The following WDR87 variants were observed in gnomAD, a reference collection of about 807,000 sequenced individuals.
WDR87 encodes WD repeat-containing protein 87.
Under a neutral mutation model 83.3 loss-of-function variants are expected in WDR87, and 56 were observed. The ratio of observed to expected loss-of-function variants is 0.67; its 90% CI spans 0.54 to 0.84. The LOEUF (loss-of-function observed/expected upper bound fraction) is 0.84. Among genes scored for constraint, WDR87 ranks in the 40% least tolerant of loss-of-function variants. WDR87 has a pLI of 0.00. For missense variants in WDR87, 2,939 were observed against 3,431.9 expected, an observed-to-expected ratio of 0.86 and a Z score of 3.59; for synonymous variants, 1,173 against 1,250.6, an observed-to-expected ratio of 0.94 and a Z score of 1.31.
Position 37,887,308 on chromosome 19 carries a change from T to C in WDR87, c.6363A>G (p.Lys2121=), listed in dbSNP as rs1214582426. 6.4e-7 allele frequency: 1 copy of C among 1,551,342 alleles called. No individual in the cohort carries two copies. The highest frequency in any genetic ancestry group is 2.4e-5 in the East Asian group (1 of 40,918). The change falls in exon 6 of 6, where the codon AAA becomes AAG. Residue 2121 remains lysine, a synonymous_variant. Coordinates refer to ENST00000447313, the MANE Select transcript of WDR87 (RefSeq NM_001291088.2). ...KLNKILKALQ[K]LTRDERKLTQ... ...TTAGTTTCCTTTCATCCCTGGTTAG[T>C]TTTTGAAGTGCCTTTAAGATTTTGT...
rs1811469470 is a variant in WDR87 at position 37,889,758 on chromosome 19, T to C, written c.3913A>G (p.Asn1305Asp). The C allele has an allele frequency of 6.4e-7, 1 of 1,551,712 alleles. No homozygotes were observed. The highest frequency in any genetic ancestry group is 1.4e-5 in the African/African-American group (1 of 73,162). Residue 1305 changes from asparagine to aspartate, a missense_variant, in exon 6 of 6, where the codon AAC becomes GAC. By Grantham distance (23) the Asn-to-Asp change is conservative. Coordinates refer to ENST00000447313, the MANE Select transcript of WDR87 (RefSeq NM_001291088.2). ...TGAGCAAATGTCACTAGCTCAGCGTTTAGGTTTTCTGACATTTTTGTTTGG... is the reference window on the plus strand; with the variant it reads ...TGAGCAAATGTCACTAGCTCAGCGTCTAGGTTTTCTGACATTTTTGTTTGG... The part of the protein sequence containing the change: ...GSQTKMSENL[N>D]AELVTFAQEM...
chr19:37,906,340 G>A (rs2046328796), intron 1 of WDR87, among the ~76,000 whole-genome samples, 159 bp downstream of exon 1: 1 of 152,130 alleles, frequency 6.6e-6, no homozygotes, highest in Non-Finnish European at 1.5e-5. Context: ...AGGCCCCTAG[G>A]CAGCCCCTGG....
chr19:37,899,083 G>GTTGTGTTGTTTTGTTTTGTT (rs2046277193), intron 1 of WDR87, among the ~76,000 whole-genome samples: 1 of 123,116 alleles, frequency 8.1e-6, no homozygotes, highest in African/African-American at 3.7e-5. Flanking sequence ...ATGAGTTGTT[G>GTTGTGTTGTTTTGTTTTGTT]TTGTGTTGTT....
At position 37,887,762 on chromosome 19, in the gene WDR87, G is replaced by C. The variant is rs1344260153; in HGVS notation, c.5909C>G (p.Ala1970Gly). 6 of 1,551,770 alleles carry C rather than the reference G, an allele frequency of 3.9e-6. No homozygotes were observed. The highest frequency in any genetic ancestry group is 3.9e-5 in the Admixed American group (2 of 50,948). Residue 1970 changes from alanine (A) to glycine (G), a missense_variant, in exon 6 of 6, where the codon GCC becomes GGC. By Grantham distance (60) the Ala-to-Gly change is moderately conservative. Around this residue, in one of 3 missense-constraint regions of WDR87, gnomAD observed 2,160 missense variants for 2,533.1 expected, o/e 0.85. Coordinates refer to ENST00000447313, the MANE Select transcript of WDR87 (RefSeq NM_001291088.2). ...DSLAKKQEKL[A>G]QEKMKLALEK... ...CAGAGCTAATTTCATTTTTTCCTGG[G>C]CCAATTTCTCCTGTTTTTTGGCCAA...
chr19:37,894,183 A>G lies in WDR87; in HGVS notation c.1520T>C (p.Leu507Pro), dbSNP rs757661004. 3.9e-6 allele frequency: 6 copies of G among 1,552,196 alleles called. No individual in the cohort carries two copies. The highest frequency in any genetic ancestry group is 5.2e-6 in the Non-Finnish European group (6 of 1,147,142). ...CCCTCCAGACAGCGTGGAGAGTGCCAGTACAGCGCCAAAGTGCATGAATTT... is the reference window on the plus strand; with the variant it reads ...CCCTCCAGACAGCGTGGAGAGTGCCGGTACAGCGCCAAAGTGCATGAATTT... The part of the protein sequence containing the change: ...LEKFMHFGAV[L>P]ALSTLSGGIF... Residue 507 changes from leucine (L) to proline (P), a missense_variant, in exon 4 of 6, where the codon CTG (leucine) becomes CCG (proline). Leu to Pro is a moderately conservative substitution (Grantham distance 98). Coordinates refer to ENST00000447313, the MANE Select transcript of WDR87 (RefSeq NM_001291088.2).
chr19:37,894,603 T>C lies in WDR87; in HGVS notation c.1100A>G (p.Gln367Arg). 6.4e-7 allele frequency: 1 copy of C among 1,551,726 alleles called. No individual in the cohort carries two copies. The highest frequency in any genetic ancestry group is 8.7e-7 in the Non-Finnish European group (1 of 1,146,998). Residue 367 changes from glutamine to arginine, a missense_variant, in exon 4 of 6, where the codon CAG (glutamine) becomes CGG (arginine). Physicochemically the swap from Gln to Arg is conservative, Grantham distance 43 (BLOSUM62 1). Coordinates refer to ENST00000447313, the MANE Select transcript of WDR87 (RefSeq NM_001291088.2). ...LFNVCGSAPQ[Q>R]LRRVCCGNNW... ...ATTTCCACAGCAGACCCGACGCAAC[T>C]GCTGGGGAGCAGAGCCACAGACATT... is the stretch of plus-strand genomic sequence containing the variant.
intron 4 of WDR87, 136 bp downstream of exon 4, chr19:37,892,442 T>C (rs934602557): frequency 1.5e-5 from 12 of 798,584 alleles, no homozygotes; most frequent in South Asian, 1.1e-4. Flanking sequence ...TCAAGGATAG[T>C]CATCTAGGCG....
Position 37,889,778 on chromosome 19 carries a change from GT to G in WDR87, c.3892del (p.Thr1298GlnfsTer7). 1 of 1,551,666 alleles carries G rather than the reference GT, an allele frequency of 6.4e-7. No homozygotes were observed. The highest frequency in any genetic ancestry group is 2.4e-5 in the East Asian group (1 of 40,902). On this transcript the variant is annotated frameshift_variant, in exon 6 of 6. Transcript: ENST00000447313. LOFTEE classifies it low-confidence loss of function (END_TRUNC). ...LMALRISGSQ[T>X]KMSENLNAEL... is the part of the protein sequence containing the mutation. ...AGCGTTTAGGTTTTCTGACATTTTTGTTTGGGAACCAGATATCCTCAGGGCC... is the reference window on the plus strand; with the variant it reads ...AGCGTTTAGGTTTTCTGACATTTTTGTTGGGAACCAGATATCCTCAGGGCC...
chr19:37,904,614 A>G (rs1296825974), intron 1 of WDR87, among the ~76,000 whole-genome samples: 1 of 151,948 alleles, frequency 6.6e-6, no homozygotes, highest in African/African-American at 2.4e-5. Context: ...CCCACCTCCC[A>G]AAGTGCTGGG....
chr19:37,904,194 G>T (rs551828717), intron 1 of WDR87, among the ~76,000 whole-genome samples: 15 of 152,036 alleles, frequency 9.9e-5, no homozygotes, highest in Admixed American at 9.8e-4. Context: ...GAGCCACTGC[G>T]CCCGGCCATT....
rs1362351088 is a variant in WDR87, at chr19:37,886,343, G to A, written c.7328C>T (p.Thr2443Ile). Residue 2443 changes from threonine (T) to isoleucine (I), a missense_variant, in exon 6 of 6, where the codon ACA becomes ATA. Physicochemically the swap from Thr to Ile is moderately conservative, Grantham distance 89 (BLOSUM62 -1). Coordinates refer to ENST00000447313, the MANE Select transcript of WDR87 (RefSeq NM_001291088.2). ...TTGTTTCTCCGGCACTGGCACTGGT[G>A]TTTTCTCTTTCATCTCCAGAGCTGT... Reference protein sequence around the residue: ...MSTALEMKEKTPVPVPEKQIS... With the variant: ...MSTALEMKEKIPVPVPEKQIS... The A allele has an allele frequency of 2.6e-6, 4 of 1,551,382 alleles. No homozygotes were observed. In the East Asian group the frequency reaches 7.3e-5, roughly 28 times the overall value.
chr19:37,897,462 G>A (rs1434320167), intron 2 of WDR87, among the ~76,000 whole-genome samples: 5 of 151,744 alleles, frequency 3.3e-5, no homozygotes, highest in South Asian at 2.1e-4. Flanking sequence ...TGCCTACCTC[G>A]CCCTGGCAAA....
chr19:37,897,104 T>C (rs1164735767), intron 2 of WDR87, among the ~76,000 whole-genome samples: 2 of 152,076 alleles, frequency 1.3e-5, no homozygotes, highest in African/African-American at 4.8e-5. Context: ...TGGGACACCC[T>C]ATCTGGCCTT....
At chr19:37,903,242 C>A (rs2046303463) in intron 1 of WDR87, among the ~76,000 whole-genome samples, 1 of 152,138 alleles carries the variant, frequency 6.6e-6, no homozygotes, top group Non-Finnish European at 1.5e-5. Context: ...AGAGGGGCAA[C>A]CTAGGCTTAC....
chr19:37,898,155 T>G lies in WDR87; in HGVS notation c.75+10A>C. The G allele has an allele frequency of 6.4e-7, 1 of 1,551,610 alleles. No individual in the cohort carries two copies. The highest frequency in any genetic ancestry group is 1.4e-5 in the African/African-American group (1 of 73,168). On this transcript the variant is annotated intron_variant, in intron 2 of 5. Transcript: ENST00000447313. ...ACCTATAATATGTTTATGTCCTACATATACATTACCTTGCTTTTATTTATG... is the reference window on the plus strand; with the variant it reads ...ACCTATAATATGTTTATGTCCTACAGATACATTACCTTGCTTTTATTTATG...
chr19:37,901,876 G>C (rs115381691), intron 1 of WDR87, among the ~76,000 whole-genome samples: 1,639 of 151,954 alleles, frequency 0.011, 12 homozygotes, highest in Middle Eastern at 0.017. Context: ...CCCATGCCTG[G>C]CTAATTTTTT....
Position 37,887,708 on chromosome 19 carries a change from C to G in WDR87, c.5963G>C (p.Arg1988Pro), listed in dbSNP as rs534745481. Residue 1988 changes from arginine to proline, a missense_variant, in exon 6 of 6, where the codon CGG becomes CCG. By Grantham distance (103) the Arg-to-Pro change is moderately radical. This residue lies in a region of WDR87 where 2,160 missense variants were observed against 2,533.1 expected (regional missense o/e 0.85). Transcript: ENST00000447313. The part of the protein sequence containing the change: ...LEKAMVQGKK[R>P]LRGELDIAKE... ...AGCAATATCCAACTCTCCTCTGAGC[C>G]GTTTCTTTCCTTGGACCATTGCCTT... The G allele has an allele frequency of 1.6e-5, 25 of 1,552,278 alleles. No homozygotes were observed. The highest frequency in any genetic ancestry group is 1.9e-5 in the Non-Finnish European group (22 of 1,147,122).
chr19:37,890,109 G>T lies in WDR87; in HGVS notation c.3562C>A (p.Leu1188Ile). 2.6e-6 allele frequency: 4 copies of T among 1,551,982 alleles called. No individual in the cohort carries two copies. The highest frequency in any genetic ancestry group is 3.5e-6 in the Non-Finnish European group (4 of 1,147,070). The change falls in exon 6 of 6, where the codon CTC becomes ATC. Residue 1188 changes from leucine (L) to isoleucine (I), a missense_variant. This residue lies in a region of WDR87 where 2,160 missense variants were observed against 2,533.1 expected (regional missense o/e 0.85). Transcript: ENST00000447313. The stretch of plus-strand genomic sequence containing the variant: ...TCTTGAGAATCAACATCTTTTGAGA[G>T]CTTTATTACACTGGTGCTTGAAGAC... The part of the protein sequence containing the change: ...QWSSSTSVIK[L>I]SKDVDSQEKD...
chr19:37,886,675 T>C lies in WDR87; in HGVS notation c.6996A>G (p.Glu2332=). 4.0e-6 allele frequency: 6 copies of C among 1,485,360 alleles called. No homozygotes were observed. The highest frequency in any genetic ancestry group is 4.6e-6 in the Non-Finnish European group (5 of 1,094,722). The allele number at this position is 1,485,360 out of a possible 1,614,324, so 92.0% of individuals were successfully genotyped here. A position where few individuals can be genotyped will look rare whatever the true frequency, so the allele number is the denominator to read the frequency against. Residue 2332 remains glutamate, a synonymous_variant, in exon 6 of 6, where the codon GAA becomes GAG. Coordinates refer to ENST00000447313, the MANE Select transcript of WDR87 (RefSeq NM_001291088.2). ...TCTCCTGAACCTCCTCCTTCTTCTT[T>C]TCCTTTTTCTTCTTCTTCTTCTCCT... ...EEEEKKKKKK[E]KKKEEVQEKE...
Sources: gnomAD v4.1 joint callset for allele counts (sites outside exome capture counted in the v4.1 genomes callset) on GRCh38, gnomAD v4.1.1 for gene constraint, gnomAD v4.1.1 regional missense constraint, MANE v1.5 for transcripts, NCBI Gene and HGNC (gene_info 2026-07-23, HGNC 2026-07-21) for gene names.